WNT2: variants seen among roughly 807,000 people sequenced by gnomAD.
WNT2 encodes the protein protein Wnt-2.
A neutral mutation model predicts 36.9 loss-of-function variants in WNT2; 12 were observed. The ratio of observed to expected loss-of-function variants is 0.33; its 90% CI spans 0.21 to 0.53. WNT2 has a LOEUF of 0.53. Among genes scored for constraint, WNT2 ranks in the 20% least tolerant of loss-of-function variants. The probability of loss-of-function intolerance (pLI) is 0.95; values close to 1 mark genes in which losing one functional copy is unlikely to be tolerated. For missense variants in WNT2, 379 were observed against 473.1 expected (o/e 0.80, Z 1.84); for synonymous variants, 163 against 174.6 (o/e 0.93, Z 0.52).
At chr7:117,308,363 C>T (rs1006061579) in intron 3 of WNT2, among the ~76,000 whole-genome samples, 1 of 152,086 alleles carries the variant, frequency 6.6e-6, no homozygotes, top group Non-Finnish European at 1.5e-5. Flanking sequence ...CGTTGACTAA[C>T]CATATATATA....
chr7:117,316,110 T>C (rs1795212592), intron 2 of WNT2, among the ~76,000 whole-genome samples: 1 of 152,216 alleles, frequency 6.6e-6, no homozygotes, highest in Non-Finnish European at 1.5e-5. Context: ...AAGTTTTTCT[T>C]TGGTTTTTCT....
chr7:117,320,401 T>G, intron 2 of WNT2, 166 bp downstream of exon 2: 1 of 675,096 alleles, frequency 1.5e-6, no homozygotes, highest in East Asian at 2.7e-5. Context: ...GACATGTTCC[T>G]TGATTTCTCT....
At chr7:117,310,402 CA>C (rs956694232) in intron 3 of WNT2, among the ~76,000 whole-genome samples, 6 of 151,380 alleles carry the variant, frequency 4.0e-5, no homozygotes, top group Admixed American at 4.0e-4. Context: ...TCATCTCTAC[CA>C]AAAAACAAAC....
chr7:117,278,342 C>G lies in WNT2; in HGVS notation c.896G>C (p.Arg299Pro), dbSNP rs777650724. The change falls in exon 5 of 5, where the codon CGG becomes CCG. Residue 299 changes from arginine to proline, a missense_variant. Arg to Pro is a moderately radical substitution (Grantham distance 103). Transcript: ENST00000265441. ...CATGACTTCACAGCTGTCCATGCCCCGGGAAGTCAGGTTGCACACACGGCC... is the reference window on the plus strand; with the variant it reads ...CATGACTTCACAGCTGTCCATGCCCGGGGAAGTCAGGTTGCACACACGGCC... ...TAGRVCNLTSRGMDSCEVMCC... is the reference protein window; with the variant it reads ...TAGRVCNLTSPGMDSCEVMCC... The G allele has an allele frequency of 4.3e-6, 7 of 1,613,988 alleles. No homozygotes were observed. Among genetic ancestry groups the G allele is most frequent in the East Asian group, 2.2e-5 (1 of 44,860 alleles).
At chr7:117,292,272 A>G (rs1184370332) in intron 4 of WNT2, among the ~76,000 whole-genome samples, 1 of 151,774 alleles carries the variant, frequency 6.6e-6, no homozygotes, top group Non-Finnish European at 1.5e-5. Context: ...TTCATCACAC[A>G]GGACCTACTC....
intron 3 of WNT2, among the ~76,000 whole-genome samples, chr7:117,313,179 G>T (rs1004752116): frequency 1.8e-4 from 27 of 152,188 alleles, no homozygotes; most frequent in Admixed American, 5.9e-4. Context: ...TAGTACAAAG[G>T]GGGAGTAGAG....
intron 3 of WNT2, among the ~76,000 whole-genome samples, chr7:117,307,771 T>C (rs1267546591): frequency 6.6e-6 from 1 of 152,204 alleles, no homozygotes; most frequent in Non-Finnish European, 1.5e-5. Flanking sequence ...CTGTGTCATG[T>C]CATACTGATT....
intron 3 of WNT2, among the ~76,000 whole-genome samples, chr7:117,312,153 T>C (rs775754932): frequency 1.6e-4 from 24 of 151,982 alleles, no homozygotes; most frequent in Admixed American, 5.2e-4. Context: ...AACTTTTTTG[T>C]TTGTTTGTTT....
intron 1 of WNT2, among the ~76,000 whole-genome samples, chr7:117,321,524 C>G (rs1467680624): frequency 6.6e-6 from 1 of 152,120 alleles, no homozygotes; most frequent in Non-Finnish European, 1.5e-5. Context: ...TCATCTCTAC[C>G]CAGATGTTCT....
chr7:117,316,071 A>G (rs1795211880), intron 2 of WNT2, among the ~76,000 whole-genome samples: 1 of 152,212 alleles, frequency 6.6e-6, no homozygotes, highest in South Asian at 2.1e-4. Flanking sequence ...ACCTGCACTA[A>G]TCACTGGTAT....
intron 4 of WNT2, among the ~76,000 whole-genome samples, chr7:117,292,886 G>C (rs529314186): frequency 1.3e-5 from 2 of 152,252 alleles, no homozygotes; most frequent in East Asian, 3.9e-4. Context: ...ATGTCTCCCT[G>C]AATTTCTTCT....
chr7:117,288,864 G>T (rs1356231261), intron 4 of WNT2, among the ~76,000 whole-genome samples: 3 of 151,968 alleles, frequency 2.0e-5, no homozygotes, highest in Non-Finnish European at 2.9e-5. Context: ...TATAGATTCT[G>T]CCTACAACAT....
Position 117,277,991 on chromosome 7 carries a change from C to T in WNT2, c.*164G>A, listed in dbSNP as rs1219018987. 7.3e-6 allele frequency: 5 copies of T among 687,106 alleles called. No individual in the cohort carries two copies. Among genetic ancestry groups the T allele is most frequent in the Non-Finnish European group, 9.8e-6 (4 of 408,774 alleles). The allele number at this position is 687,106 out of a possible 1,614,324, so 42.6% of individuals were successfully genotyped here. ...GGTAGGCTTTAGGTGCAGCGTGTGG[C>T]CCCCCCATCCTGGGGCCCCCAGGGA... On this transcript the variant is annotated 3_prime_UTR_variant, in exon 5 of 5. Transcript: ENST00000265441.
At position 117,322,916 on chromosome 7, in the gene WNT2, G is replaced by C. The variant is rs149967814; in HGVS notation, c.74C>G (p.Ser25Cys). Reference sequence around the variant, plus strand: ...GTGCGCGTGGACTTACCACCATGAAGAGTTGACCTCGGGGGTGAGCCAGGT... The same window carrying C: ...GTGCGCGTGGACTTACCACCATGAACAGTTGACCTCGGGGGTGAGCCAGGT... ...LLTWLTPEVN[S>C]SWWYMRATGG... Residue 25 changes from serine (S) to cysteine (C), a missense_variant, in exon 1 of 5, where the codon TCT (serine) becomes TGT (cysteine). Physicochemically the swap from Ser to Cys is moderately radical, Grantham distance 112 (BLOSUM62 -1). Transcript: ENST00000265441. This position sits in a 1 kb window ranked among gnomAD's most constrained non-coding sequence, Gnocchi z 5.4. 10 of 1,613,728 alleles carry C rather than the reference G, an allele frequency of 6.2e-6. No homozygotes were observed. In the African/African-American group the frequency reaches 1.2e-4, roughly 19 times the overall value.
Position 117,315,351 on chromosome 7 carries a change from G to C in WNT2, c.311-3C>G. ...AACAAAGGCAGATTCCCGACTACCT[G>C]AAACAAAAATGCTTTTCTTAAAAGT... On this transcript the variant is annotated splice_polypyrimidine_tract_variant and splice_region_variant and intron_variant, in intron 2 of 4. Coordinates refer to ENST00000265441, the MANE Select transcript of WNT2 (RefSeq NM_003391.3). The C allele has an allele frequency of 6.2e-7, 1 of 1,606,396 alleles. No individual in the cohort carries two copies. The highest frequency in any genetic ancestry group is 8.5e-7 in the Non-Finnish European group (1 of 1,177,226).
intron 4 of WNT2, among the ~76,000 whole-genome samples, chr7:117,291,680 C>T (rs1366337002): frequency 6.6e-6 from 1 of 152,206 alleles, no homozygotes; most frequent in African/African-American, 2.4e-5. Context: ...AACCTCAGAG[C>T]ACTCACTTTC....
chr7:117,278,509 G>C, intron 4 of WNT2, 125 bp from the exon 5 acceptor site: 1 of 928,248 alleles, frequency 1.1e-6, no homozygotes, highest in African/African-American at 1.7e-5. Flanking sequence ...ACAGCCTGGG[G>C]CTGTTATACT....
intron 4 of WNT2, among the ~76,000 whole-genome samples, chr7:117,295,310 T>G (rs1230748130): frequency 6.6e-6 from 1 of 152,130 alleles, no homozygotes; most frequent in Admixed American, 6.5e-5. Context: ...TCTGTGAGAG[T>G]CAATGAGAGA....
chr7:117,281,171 G>C (rs982591036), intron 4 of WNT2, among the ~76,000 whole-genome samples: 22 of 152,170 alleles, frequency 1.4e-4, no homozygotes, highest in African/African-American at 5.1e-4. Context: ...GCTGATTCAG[G>C]GAGGCTATTA....
Sources: allele counts gnomAD v4.1 joint callset (sites outside exome capture counted in the v4.1 genomes callset), GRCh38; gene constraint gnomAD v4.1.1; non-coding constraint Gnocchi (gnomAD v3.1); transcripts MANE v1.5; gene names NCBI Gene and HGNC (gene_info 2026-07-23, HGNC 2026-07-21).